PEAK1: variants seen among roughly 807,000 people sequenced by gnomAD.
PEAK1 encodes pseudopodium enriched atypical kinase 1.
A neutral mutation model predicts 124.7 loss-of-function variants in PEAK1; 54 were observed. The ratio of observed to expected loss-of-function variants is 0.43; its 90% CI spans 0.35 to 0.54. PEAK1 has a LOEUF of 0.54. PEAK1 is among the 20% of genes least tolerant of loss of function. PEAK1 has a pLI of 0.01. For synonymous variants in PEAK1, 719 were observed against 760.0 expected, an observed-to-expected ratio of 0.95 and a Z score of 0.89; for missense variants, 2,046 against 2,134.5, an observed-to-expected ratio of 0.96 and a Z score of 0.82.
chr15:77,224,176 A>C (rs760920070), intron 6 of PEAK1, among the ~76,000 whole-genome samples: 1 of 151,822 alleles, frequency 6.6e-6, no homozygotes, highest in African/African-American at 2.4e-5. Flanking sequence ...AGGAAAACAA[A>C]TTCAGACCAA....
chr15:77,136,629 G>A (rs1395754538), intron 8 of PEAK1, among the ~76,000 whole-genome samples: 1 of 151,898 alleles, frequency 6.6e-6, no homozygotes, highest in Non-Finnish European at 1.5e-5. Context: ...TCATGCCACT[G>A]TACTCCAGTA....
chr15:77,183,859 A>T (rs1483335103), intron 6 of PEAK1, among the ~76,000 whole-genome samples: 2 of 151,940 alleles, frequency 1.3e-5, no homozygotes, highest in Non-Finnish European at 2.9e-5. Context: ...ACAGGATCTC[A>T]CTCTGTCACC....
At chr15:77,150,378 A>C (rs2054504271) in intron 8 of PEAK1, among the ~76,000 whole-genome samples, 1 of 152,000 alleles carries the variant, frequency 6.6e-6, no homozygotes, top group Non-Finnish European at 1.5e-5. Flanking sequence ...GGGGATAATA[A>C]CTCTTAGGAT....
At chr15:77,286,052 G>T (rs1008190594) in intron 3 of PEAK1, among the ~76,000 whole-genome samples, 2 of 152,050 alleles carry the variant, frequency 1.3e-5, no homozygotes, top group Non-Finnish European at 2.9e-5. Context: ...CTGGTATGTT[G>T]TATCTTTGTT....
At chr15:77,223,929 C>G (rs1316619818) in intron 6 of PEAK1, among the ~76,000 whole-genome samples, 2 of 112,308 alleles carry the variant, frequency 1.8e-5, no homozygotes, top group South Asian at 5.7e-4. Flanking sequence ...TTGCTTACAT[C>G]TGTTAGGTTT....
chr15:77,177,534 A>G (rs1293157608), intron 7 of PEAK1, among the ~76,000 whole-genome samples: 1 of 152,144 alleles, frequency 6.6e-6, no homozygotes, highest in African/African-American at 2.4e-5. Context: ...TTCATTTTTT[A>G]TTATACTTTT....
chr15:77,203,048 A>G (rs536046043), intron 6 of PEAK1, among the ~76,000 whole-genome samples: 4 of 152,088 alleles, frequency 2.6e-5, no homozygotes, highest in East Asian at 1.9e-4. Context: ...GAAAAAAAAA[A>G]AAAAAAGAAA....
At chr15:77,364,448 T>A (rs565371774) in intron 2 of PEAK1, among the ~76,000 whole-genome samples, 1 of 152,260 alleles carries the variant, frequency 6.6e-6, no homozygotes, top group South Asian at 2.1e-4. Context: ...GGACTCAGAG[T>A]AGTAGACGGA....
chr15:77,415,363 T>C (rs566947125), intron 1 of PEAK1, among the ~76,000 whole-genome samples: 2 of 152,350 alleles, frequency 1.3e-5, no homozygotes, highest in East Asian at 3.9e-4. Flanking sequence ...ATGTATAAAC[T>C]ACAGACTATC....
At chr15:77,346,909 G>T in intron 2 of PEAK1, 1 of 323,938 alleles carries the variant, frequency 3.1e-6, no homozygotes, top group Non-Finnish European at 4.4e-6. Context: ...ACCAATTAGT[G>T]ATCTGGTACT....
chr15:77,390,432 A>G (rs1424407918), intron 1 of PEAK1, among the ~76,000 whole-genome samples: 1 of 152,230 alleles, frequency 6.6e-6, no homozygotes, highest in Non-Finnish European at 1.5e-5. Context: ...TACCTGACAC[A>G]TGGTGATGGA....
intron 8 of PEAK1, among the ~76,000 whole-genome samples, chr15:77,148,517 C>T (rs1007056723): frequency 2.6e-5 from 4 of 152,114 alleles, no homozygotes; most frequent in Admixed American, 2.6e-4. Flanking sequence ...AGGAAGCCCA[C>T]AATATTTTAG....
At chr15:77,194,271 C>T (rs2057999958) in intron 6 of PEAK1, among the ~76,000 whole-genome samples, 1 of 152,132 alleles carries the variant, frequency 6.6e-6, no homozygotes, top group Admixed American at 6.6e-5. Context: ...TGCTCTTTGT[C>T]TGAAATACTG....
chr15:77,316,179 T>A (rs2064859770), intron 2 of PEAK1, among the ~76,000 whole-genome samples: 5 of 152,206 alleles, frequency 3.3e-5, no homozygotes, highest in Admixed American at 3.3e-4. Context: ...AGTTTTGTTT[T>A]TCTTTACGTG....
chr15:77,175,189 T>C (rs1470193649), intron 7 of PEAK1, among the ~76,000 whole-genome samples: 1 of 152,108 alleles, frequency 6.6e-6, no homozygotes, highest in Non-Finnish European at 1.5e-5. Context: ...GACATAGGCA[T>C]GGGCAAGGAC....
intron 2 of PEAK1, chr15:77,350,056 T>C (rs369414575): frequency 1.6e-5 from 16 of 985,392 alleles, no homozygotes; most frequent in Non-Finnish European, 1.7e-5. Context: ...TCAGCCACCA[T>C]GATAGTTTTC....
chr15:77,121,967 T>C (rs1244932035), intron 9 of PEAK1, among the ~76,000 whole-genome samples: 3 of 152,214 alleles, frequency 2.0e-5, no homozygotes, highest in African/African-American at 7.2e-5. Context: ...AACTTCTAAA[T>C]TGATATCCAG....
intron 6 of PEAK1, among the ~76,000 whole-genome samples, chr15:77,235,692 T>C (rs988434722): frequency 1.3e-5 from 2 of 152,080 alleles, no homozygotes; most frequent in South Asian, 2.1e-4. Context: ...ACCAAGACAA[T>C]AGGGAAAATG....
chr15:77,404,171 T>C, intron 1 of PEAK1: 12 of 985,432 alleles, frequency 1.2e-5, no homozygotes, highest in Non-Finnish European at 1.4e-5. Flanking sequence ...ATACCTAATT[T>C]TATTGAGGCA....
Sources: allele counts gnomAD v4.1 joint callset (sites outside exome capture counted in the v4.1 genomes callset), GRCh38; gene constraint gnomAD v4.1.1; transcripts MANE v1.5; gene names NCBI Gene and HGNC (gene_info 2026-07-23, HGNC 2026-07-21).